Variants in DMTF1 observed in about 807,000 individuals in gnomAD.
The protein encoded by DMTF1 is cyclin-D-binding Myb-like transcription factor 1.
In DMTF1, 39 loss-of-function variants were observed where a neutral mutation model predicts 91.1. That is an observed-to-expected ratio of 0.43 (90% CI 0.33 to 0.56). The LOEUF (loss-of-function observed/expected upper bound fraction) is 0.56, where lower values mean the gene tolerates loss of function less well. DMTF1 is among the 20% of genes least tolerant of loss of function. The pLI is 0.05. For missense variants in DMTF1, 750 were observed against 914.5 expected (o/e 0.82, Z 2.32); for synonymous variants, 338 against 309.5 (o/e 1.09, Z -0.97).
At chr7:87,161,517 T>A (rs1199990723) in intron 1 of DMTF1, among the ~76,000 whole-genome samples, 1 of 150,990 alleles carries the variant, frequency 6.6e-6, no homozygotes, top group African/African-American at 2.4e-5. Flanking sequence ...CCACAAAAGA[T>A]GACAGCATAA....
At chr7:87,154,671 A>C (rs1790212031) in intron 1 of DMTF1, 1 of 152,478 alleles carries the variant, frequency 6.6e-6, no homozygotes, top group Non-Finnish European at 1.5e-5. Flanking sequence ...TTTGGGCGTT[A>C]TGACTTGAGC....
intron 10 of DMTF1, 51 bp downstream of exon 10, chr7:87,182,388 G>C: frequency 1.9e-6 from 3 of 1,575,988 alleles, no homozygotes; most frequent in Non-Finnish European, 1.7e-6. Context: ...TAAGCCTCCT[G>C]CCCCTTAGGA....
rs1801043507 is a variant in DMTF1, at chr7:87,195,406, TTTCA to T, written c.*271_*274del. The T allele has an allele frequency of 3.4e-6, 1 of 292,048 alleles. No individual in the cohort carries two copies. 18.1% of individuals were successfully genotyped at this position (292,048 alleles called of 1,614,324 possible). A position where few individuals can be genotyped will look rare whatever the true frequency, so the allele number is the denominator to read the frequency against. ...TTTAGTGTTACATGGGAATAAGGAATTTCATTCACTTCAGCCACTAAGAAAAGTT... is the reference window on the plus strand; with the variant it reads ...TTTAGTGTTACATGGGAATAAGGAATTTCACTTCAGCCACTAAGAAAAGTT... On this transcript the variant is annotated 3_prime_UTR_variant, in exon 18 of 18. Transcript: ENST00000331242.
At chr7:87,171,335 CTT>C (rs981577638) in intron 5 of DMTF1, among the ~76,000 whole-genome samples, 2 of 152,090 alleles carry the variant, frequency 1.3e-5, no homozygotes, top group African/African-American at 2.4e-5. Context: ...GAACAAAAAA[CTT>C]TTCATAATAA....
intron 1 of DMTF1, among the ~76,000 whole-genome samples, chr7:87,160,018 A>G (rs966050901): frequency 2.0e-5 from 3 of 152,250 alleles, no homozygotes; most frequent in East Asian, 3.9e-4. Flanking sequence ...TGTTTTCCAG[A>G]TAAACCAAAT....
At chr7:87,153,770 G>A (rs1405388863) in intron 1 of DMTF1, among the ~76,000 whole-genome samples, 1 of 152,118 alleles carries the variant, frequency 6.6e-6, no homozygotes, top group Non-Finnish European at 1.5e-5. Flanking sequence ...ACGCCATTTG[G>A]AAAATTTTAA....
At chr7:87,166,193 G>A (rs922894370) in intron 3 of DMTF1, among the ~76,000 whole-genome samples, 12 of 152,056 alleles carry the variant, frequency 7.9e-5, no homozygotes, top group African/African-American at 2.2e-4. Context: ...CTTCTCATAC[G>A]TCTGTGTCAT....
intron 1 of DMTF1, among the ~76,000 whole-genome samples, chr7:87,156,227 A>G (rs923544917): frequency 1.3e-5 from 2 of 152,178 alleles, no homozygotes; most frequent in African/African-American, 4.8e-5. Flanking sequence ...TGAATAAGCA[A>G]TATAGTTTTA....
chr7:87,193,875 C>T lies in DMTF1; in HGVS notation c.1801C>T (p.Pro601Ser). The T allele has an allele frequency of 1.2e-6, 2 of 1,613,394 alleles. No individual in the cohort carries two copies. The highest frequency in any genetic ancestry group is 1.7e-6 in the Non-Finnish European group (2 of 1,179,620). The change falls in exon 16 of 18, where the codon CCT (proline) becomes TCT (serine). Residue 601 changes from proline (P) to serine (S), a missense_variant. By Grantham distance (74) the Pro-to-Ser change is moderately conservative. Around this residue, in one of 3 missense-constraint regions of DMTF1, gnomAD observed 410 missense variants for 420.2 expected, o/e 0.98. Transcript: ENST00000331242. ...VDSDIQSSDF[P>S]EPPDALEADT... ...TAGTGATATTCAGTCATCTGATTTTCCTGAGCCTCCAGACGCCCTAGAAGC... is the reference window on the plus strand; with the variant it reads ...TAGTGATATTCAGTCATCTGATTTTTCTGAGCCTCCAGACGCCCTAGAAGC...
chr7:87,194,950 C>A, intron 17 of DMTF1, 81 bp from the exon 18 acceptor site: 2 of 1,427,690 alleles, frequency 1.4e-6, no homozygotes, highest in Non-Finnish European at 1.9e-6. Context: ...GAGTTCTACA[C>A]TGTGGTAGAA....
chr7:87,157,339 C>T (rs1024727123), intron 1 of DMTF1, among the ~76,000 whole-genome samples: 4 of 152,084 alleles, frequency 2.6e-5, no homozygotes, highest in African/African-American at 9.7e-5. Flanking sequence ...AGAATCACAG[C>T]TCCAAGCCTC....
intron 2 of DMTF1, 141 bp from the exon 3 acceptor site, chr7:87,164,793 A>G (rs1562789869): frequency 4.8e-6 from 2 of 419,932 alleles, no homozygotes; most frequent in Non-Finnish European, 8.3e-6. Context: ...TGAAATCTGA[A>G]CTCTCATTGC....
In DMTF1 at chr7:87,188,289, A is replaced by G; in HGVS notation, c.1399A>G (p.Ile467Val). ...PMAALQIPVQITHVSSADSPA... is the reference protein window; with the variant it reads ...PMAALQIPVQVTHVSSADSPA... ...GGCAGCATTGCAGATTCCAGTCCAG[A>G]TCACCCATGTTTGTAAGTGTTTGAT... The change falls in exon 13 of 18, where the codon ATC (isoleucine) becomes GTC (valine). Residue 467 changes from isoleucine to valine, a missense_variant. Ile to Val is a conservative substitution (Grantham distance 29). Coordinates refer to ENST00000331242, the MANE Select transcript of DMTF1 (RefSeq NM_001142327.2). 1.9e-6 allele frequency: 3 copies of G among 1,613,822 alleles called. No individual in the cohort carries two copies. Among genetic ancestry groups the G allele is most frequent in the Non-Finnish European group, 2.5e-6 (3 of 1,179,808 alleles).
At chr7:87,191,170 T>C (rs765609458) in intron 14 of DMTF1, 143 bp downstream of exon 14, 1 of 595,012 alleles carries the variant, frequency 1.7e-6, no homozygotes, top group Non-Finnish European at 2.9e-6. Flanking sequence ...ACTTTTATAA[T>C]TTTAATCAGC....
intron 8 of DMTF1, among the ~76,000 whole-genome samples, chr7:87,179,908 AGATTT>A (rs1166478789): frequency 8.5e-5 from 13 of 152,242 alleles, no homozygotes; most frequent in African/African-American, 3.1e-4. Flanking sequence ...TATATAGGTT[AGATTT>A]AAGACTTGGC....
chr7:87,193,619 A>G (rs1800446550), intron 15 of DMTF1, 106 bp from the exon 16 acceptor site: 1 of 1,135,746 alleles, frequency 8.8e-7, no homozygotes, highest in East Asian at 2.4e-5. Flanking sequence ...AATAGTGATA[A>G]AAGTATTTAC....
intron 10 of DMTF1, among the ~76,000 whole-genome samples, chr7:87,182,853 A>G (rs1797655131): frequency 2.0e-5 from 3 of 152,218 alleles, no homozygotes; most frequent in Non-Finnish European, 4.4e-5. Context: ...TTGGTGTTTC[A>G]GTCCCCTGGC....
chr7:87,193,760 A>C lies in DMTF1; in HGVS notation c.1686A>C (p.Thr562=), dbSNP rs752831228. 3 of 1,609,646 alleles carry C rather than the reference A, an allele frequency of 1.9e-6. No homozygotes were observed. Among genetic ancestry groups the C allele is most frequent in the Non-Finnish European group, 2.5e-6 (3 of 1,178,260 alleles). ...EHLLNTSDNV[T]VQCHTPRVII... is the part of the protein sequence containing the mutation. ...TGTTGAACACAAGTGATAATGTTAC[A>C]GTGCAGTGTCACACACCAAGAGTCA... is the stretch of plus-strand genomic sequence containing the variant. Residue 562 remains threonine (T), a synonymous_variant, in exon 16 of 18, where the codon ACA becomes ACC. Coordinates refer to ENST00000331242, the MANE Select transcript of DMTF1 (RefSeq NM_001142327.2).
rs1800498941 is a variant in DMTF1 at position 87,193,799 on chromosome 7, T to G, written c.1725T>G (p.Val575=). 5.6e-6 allele frequency: 9 copies of G among 1,613,098 alleles called. No individual in the cohort carries two copies. The highest frequency in any genetic ancestry group is 7.6e-6 in the Non-Finnish European group (9 of 1,179,500). The change falls in exon 16 of 18, where the codon GTT becomes GTG. Residue 575 remains valine (V), a synonymous_variant. Transcript: ENST00000331242. ...CACCAAGAGTCATCATTCAGACTGT[T>G]GCCACAGAGGACATCACTTCTTCCA... ...CHTPRVIIQT[V]ATEDITSSIS...
Sources: gnomAD v4.1 joint callset for allele counts (sites outside exome capture counted in the v4.1 genomes callset) on GRCh38, gnomAD v4.1.1 for gene constraint, gnomAD v4.1.1 regional missense constraint, MANE v1.5 for transcripts, NCBI Gene and HGNC (gene_info 2026-07-23, HGNC 2026-07-21) for gene names.